The following ETV6 variants were observed in gnomAD, a reference collection of about 807,000 sequenced individuals.
ETV6 encodes transcription factor ETV6.
Under a neutral mutation model 51.1 loss-of-function variants are expected in ETV6, and 16 were observed. The ratio of observed to expected loss-of-function variants is 0.31; its 90% CI spans 0.21 to 0.48. The LOEUF is 0.48. Among genes scored for constraint, ETV6 ranks in the 20% least tolerant of loss-of-function variants. The pLI is 0.99. For synonymous variants in ETV6, 240 were observed against 224.1 expected (o/e 1.07, Z -0.64); for missense variants, 458 against 594.8 (o/e 0.77, Z 2.39).
At chr12:11,707,616 G>T (rs752595852) in intron 1 of ETV6, among the ~76,000 whole-genome samples, 4 of 152,176 alleles carry the variant, frequency 2.6e-5, no homozygotes, top group African/African-American at 9.7e-5. Flanking sequence ...TGGAAAGAAT[G>T]ATTTTCTTCT....
At chr12:11,886,460 C>A (rs1947186133) in intron 7 of ETV6, among the ~76,000 whole-genome samples, 2 of 65,896 alleles carry the variant, frequency 3.0e-5, no homozygotes, top group African/African-American at 9.9e-5. Context: ...ATGGGTCCAT[C>A]AGAGCTTTTT....
chr12:11,887,324 C>T (rs1300101385), intron 7 of ETV6, among the ~76,000 whole-genome samples: 1 of 152,122 alleles, frequency 6.6e-6, no homozygotes, highest in Non-Finnish European at 1.5e-5. Flanking sequence ...TCTCTATATC[C>T]AGCTCTAAAA....
At position 11,869,338 on chromosome 12, in the gene ETV6, T is replaced by A; in HGVS notation, c.464-86T>A. On this transcript the variant is annotated intron_variant, in intron 4 of 7. Transcript: ENST00000396373. This position sits in a 1 kb window ranked among gnomAD's most constrained non-coding sequence, Gnocchi z 5.0. ...TCCTTTACACATACCTACACGCTCC[T>A]CCATTTACCGCCTGTAGAGCCGCAG... 1 of 1,228,386 alleles carries A rather than the reference T, an allele frequency of 8.1e-7. No individual in the cohort carries two copies. The highest frequency in any genetic ancestry group is 1.4e-5 in the South Asian group (1 of 71,496). The allele number at this position is 1,228,386 out of a possible 1,614,324, so 76.1% of individuals were successfully genotyped here. A position where few individuals can be genotyped will look rare whatever the true frequency, so the allele number is the denominator to read the frequency against.
At chr12:11,691,243 T>G (rs557919628) in intron 1 of ETV6, among the ~76,000 whole-genome samples, 7 of 152,220 alleles carry the variant, frequency 4.6e-5, no homozygotes, top group African/African-American at 1.4e-4. Flanking sequence ...ACCATCACAT[T>G]GAGAGTTAGG....
rs866973177 is a variant in ETV6 at position 11,762,838 on chromosome 12, G to A, written c.163+10259G>A. 5.3e-5 allele frequency among the ~76,000 whole-genome samples: 8 copies of A among 152,328 alleles called. No homozygotes were observed. In the East Asian group the frequency reaches 1.3e-3, roughly 26 times the overall value. On this transcript the variant is annotated intron_variant, in intron 2 of 7. Coordinates refer to ENST00000396373, the MANE Select transcript of ETV6 (RefSeq NM_001987.5). ...GACTCGCCCAAAGCAGCAGTGATTC[G>A]TGACCAAAGCTGATGAGGGGTTTTA...
At chr12:11,672,291 T>C (rs1464193509) in intron 1 of ETV6, among the ~76,000 whole-genome samples, 2 of 152,184 alleles carry the variant, frequency 1.3e-5, no homozygotes, top group Non-Finnish European at 2.9e-5. Context: ...TGAACACCAG[T>C]ATATGAAAAT....
At chr12:11,677,599 T>C (rs527304417) in intron 1 of ETV6, among the ~76,000 whole-genome samples, 12 of 152,318 alleles carry the variant, frequency 7.9e-5, no homozygotes, top group Admixed American at 1.3e-4. Context: ...ATTGATTGGA[T>C]GTATGCGTAT....
intron 2 of ETV6, among the ~76,000 whole-genome samples, chr12:11,787,186 A>G (rs903192046): frequency 6.6e-6 from 1 of 152,202 alleles, no homozygotes. Context: ...ATAAATGTGA[A>G]AATGGATCAG....
intron 4 of ETV6, among the ~76,000 whole-genome samples, chr12:11,867,013 TAGGGC>T (rs1178683526): frequency 4.6e-5 from 7 of 152,348 alleles, no homozygotes; most frequent in African/African-American, 1.7e-4. Context: ...ACATGCAGCA[TAGGGC>T]AGTTAGGAGA....
intron 2 of ETV6, among the ~76,000 whole-genome samples, chr12:11,810,301 G>C (rs979935937): frequency 6.6e-6 from 1 of 152,206 alleles, no homozygotes; most frequent in Admixed American, 6.5e-5. Flanking sequence ...AGTCCAACTT[G>C]AGAGCTCGTG....
intron 1 of ETV6, among the ~76,000 whole-genome samples, chr12:11,743,789 G>A (rs1865854869): frequency 6.6e-6 from 1 of 152,168 alleles, no homozygotes; most frequent in Admixed American, 6.5e-5. Flanking sequence ...AGTCTGAGCC[G>A]TCGCTTTTCT....
At position 11,859,118 on chromosome 12, in the gene ETV6, G is replaced by GCTTTTTTTTTTTTTTTTTTTTTTTTTT. The variant is rs1565555150; in HGVS notation, c.463+5557_463+5558insCTTTTTTTTTTTTTTTTTTTTTTTTTT. Among the ~76,000 whole-genome samples, 10 of 41,800 alleles carry GCTTTTTTTTTTTTTTTTTTTTTTTTTT rather than the reference G, an allele frequency of 2.4e-4. 5 individuals carry two copies. Among genetic ancestry groups the GCTTTTTTTTTTTTTTTTTTTTTTTTTT allele is most frequent in the African/African-American group, 5.6e-4 (8 of 14,398 alleles). The allele number at this position is 41,800 out of a possible 152,430, so 27.4% of individuals were successfully genotyped here. Reference sequence around the variant, plus strand: ...TAAAGAAGATGAGGTATATGAATCTGGTTTTTTTTTTTTTTTTTTTTTTTT... The same window carrying GCTTTTTTTTTTTTTTTTTTTTTTTTTT: ...TAAAGAAGATGAGGTATATGAATCTGCTTTTTTTTTTTTTTTTTTTTTTTTTTGTTTTTTTTTTTTTTTTTTTTTTTT... On this transcript the variant is annotated intron_variant, in intron 4 of 7. Coordinates refer to ENST00000396373, the MANE Select transcript of ETV6 (RefSeq NM_001987.5).
rs143451658 is a variant in ETV6, at chr12:11,839,177, C to G, written c.201C>G (p.Ala67=). 6.2e-7 allele frequency: 1 copy of G among 1,614,234 alleles called. No homozygotes were observed. Among genetic ancestry groups the G allele is most frequent in the Non-Finnish European group, 8.5e-7 (1 of 1,180,036 alleles). Reference sequence around the variant, plus strand: ...TTTACTGGAGCAGGGATGACGTAGCCCAGTGGCTCAAGTGGGCTGAAAATG... The same window carrying G: ...TTTACTGGAGCAGGGATGACGTAGCGCAGTGGCTCAAGTGGGCTGAAAATG... ...QPIYWSRDDV[A]QWLKWAENEF... The change falls in exon 3 of 8, where the codon GCC becomes GCG. Residue 67 remains alanine (A), a synonymous_variant. Coordinates refer to ENST00000396373, the MANE Select transcript of ETV6 (RefSeq NM_001987.5).
chr12:11,879,109 G>T (rs1947045637), intron 5 of ETV6, among the ~76,000 whole-genome samples: 1 of 151,688 alleles, frequency 6.6e-6, no homozygotes, highest in Non-Finnish European at 1.5e-5. Context: ...TTTTTCATAT[G>T]CTACTTTGCG....
At chr12:11,650,756 T>C (rs189609015) in intron 1 of ETV6, among the ~76,000 whole-genome samples, 32 of 152,294 alleles carry the variant, frequency 2.1e-4, no homozygotes, top group South Asian at 1.0e-3. Flanking sequence ...AATGAATTTT[T>C]TTTTAAAACC....
At chr12:11,655,091 G>C (rs1051843882) in intron 1 of ETV6, among the ~76,000 whole-genome samples, 2 of 152,144 alleles carry the variant, frequency 1.3e-5, no homozygotes, top group African/African-American at 2.4e-5. Flanking sequence ...GGGGGCACAG[G>C]GTTGCTGAGA....
At chr12:11,758,155 T>C (rs1945033716) in intron 2 of ETV6, among the ~76,000 whole-genome samples, 1 of 152,292 alleles carries the variant, frequency 6.6e-6, no homozygotes, top group African/African-American at 2.4e-5. Flanking sequence ...TGGGTCTGGA[T>C]AGACGTGAAT....
chr12:11,822,601 AAT>A lies in ETV6; in HGVS notation c.164-16538_164-16537del, dbSNP rs56686624. 6.2e-3 allele frequency among the ~76,000 whole-genome samples: 939 copies of A among 152,290 alleles called. 13 individuals carry two copies. The highest frequency in any genetic ancestry group is 0.022 in the African/African-American group (905 of 41,554). On this transcript the variant is annotated intron_variant, in intron 2 of 7. Coordinates refer to ENST00000396373, the MANE Select transcript of ETV6 (RefSeq NM_001987.5). The stretch of plus-strand genomic sequence containing the variant: ...TTCCACGGGCCTCCGGGTCTGTTAA[AAT>A]GATCAGGCCTCATTATTTAGGAAGC...
intron 3 of ETV6, among the ~76,000 whole-genome samples, chr12:11,848,787 GT>G (rs1350435017): frequency 6.6e-6 from 1 of 152,222 alleles, no homozygotes; most frequent in African/African-American, 2.4e-5. Flanking sequence ...ACATGCGTGT[GT>G]TTACATGAAC....
Sources: allele counts gnomAD v4.1 joint callset (sites outside exome capture counted in the v4.1 genomes callset), GRCh38; gene constraint gnomAD v4.1.1; non-coding constraint Gnocchi (gnomAD v3.1); transcripts MANE v1.5; gene names NCBI Gene and HGNC (gene_info 2026-07-23, HGNC 2026-07-21).